KCNH8: variants seen among roughly 807,000 people sequenced by gnomAD.
KCNH8 encodes voltage-gated delayed rectifier potassium channel KCNH8.
A neutral mutation model predicts 103.6 loss-of-function variants in KCNH8; 70 were observed. That is an observed-to-expected ratio of 0.68 (90% CI 0.56 to 0.82). KCNH8 has a LOEUF of 0.82. Ranked by LOEUF, KCNH8 falls within the 40% of genes least tolerant of loss-of-function variation. The pLI is 0.00. For synonymous variants in KCNH8, 498 were observed against 489.4 expected (o/e 1.02, Z -0.23); for missense variants, 1,217 against 1,329.9 (o/e 0.92, Z 1.32).
chr3:19,217,352 A>T (rs1387660056), intron 1 of KCNH8, among the ~76,000 whole-genome samples: 1 of 152,230 alleles, frequency 6.6e-6, no homozygotes, highest in Non-Finnish European at 1.5e-5. Context: ...ATGAGTAGTT[A>T]TGATTAGCAT....
At chr3:19,475,094 T>C (rs2067944024) in intron 11 of KCNH8, among the ~76,000 whole-genome samples, 1 of 152,174 alleles carries the variant, frequency 6.6e-6, no homozygotes, top group Non-Finnish European at 1.5e-5. Context: ...AAGCACAGTT[T>C]GATCCAAAAG....
chr3:19,425,918 A>C (rs2067022059), intron 7 of KCNH8, among the ~76,000 whole-genome samples: 1 of 152,152 alleles, frequency 6.6e-6, no homozygotes, highest in Non-Finnish European at 1.5e-5. Context: ...TTAAACATTG[A>C]AAATTGCTGT....
intron 1 of KCNH8, among the ~76,000 whole-genome samples, chr3:19,170,628 A>G (rs944440145): frequency 1.9e-4 from 27 of 142,762 alleles, no homozygotes; most frequent in African/African-American, 6.3e-4. Context: ...ACACATATAT[A>G]TATACACACA....
intron 1 of KCNH8, among the ~76,000 whole-genome samples, chr3:19,196,677 C>T (rs1440891482): frequency 6.6e-6 from 1 of 152,076 alleles, no homozygotes. Context: ...CCTTTCTCCG[C>T]CGTGGAAGAA....
intron 5 of KCNH8, among the ~76,000 whole-genome samples, chr3:19,358,952 A>G (rs189818884): frequency 2.0e-5 from 3 of 151,960 alleles, no homozygotes; most frequent in Non-Finnish European, 4.4e-5. Context: ...TTACTAATCC[A>G]CAAGGAAAAG....
chr3:19,207,550 C>A (rs563435106), intron 1 of KCNH8, among the ~76,000 whole-genome samples: 1 of 152,012 alleles, frequency 6.6e-6, no homozygotes, highest in African/African-American at 2.4e-5. Context: ...AGAAAGTGGA[C>A]ATAATTAATG....
intron 1 of KCNH8, among the ~76,000 whole-genome samples, chr3:19,184,969 T>C (rs762346236): frequency 6.6e-6 from 1 of 151,956 alleles, no homozygotes; most frequent in Non-Finnish European, 1.5e-5. Flanking sequence ...TTATTTTATA[T>C]TGGCAAATAG....
intron 8 of KCNH8, among the ~76,000 whole-genome samples, chr3:19,444,258 C>T (rs567408915): frequency 4.6e-5 from 7 of 151,982 alleles, no homozygotes; most frequent in East Asian, 1.9e-4. Context: ...ATTTGTGATA[C>T]GGATGCTACT....
At chr3:19,409,040 A>G (rs2066735983) in intron 7 of KCNH8, among the ~76,000 whole-genome samples, 1 of 152,164 alleles carries the variant, frequency 6.6e-6, no homozygotes, top group Non-Finnish European at 1.5e-5. Flanking sequence ...ACACTGTACA[A>G]AACAAATATC....
intron 7 of KCNH8, among the ~76,000 whole-genome samples, chr3:19,415,594 G>T (rs1449376994): frequency 1.3e-5 from 2 of 151,946 alleles, no homozygotes; most frequent in African/African-American, 4.8e-5. Flanking sequence ...AATCAATTAT[G>T]AGTTCCCTTG....
intron 7 of KCNH8, among the ~76,000 whole-genome samples, chr3:19,431,866 T>G (rs561242324): frequency 6.6e-6 from 1 of 152,300 alleles, no homozygotes; most frequent in Non-Finnish European, 1.5e-5. Flanking sequence ...TAATTTCTGA[T>G]TATGTTTATT....
chr3:19,434,731 C>G (rs935201919), intron 7 of KCNH8, among the ~76,000 whole-genome samples: 1 of 152,114 alleles, frequency 6.6e-6, no homozygotes, highest in Non-Finnish European at 1.5e-5. Context: ...TTGCATTTGA[C>G]ACTTCTTAAT....
At chr3:19,475,998 C>T (rs1416185361) in intron 11 of KCNH8, among the ~76,000 whole-genome samples, 2 of 152,144 alleles carry the variant, frequency 1.3e-5, no homozygotes, top group Non-Finnish European at 2.9e-5. Context: ...ACGTCTACTA[C>T]CTGTGAGAAT....
At chr3:19,288,598 T>C (rs1374593117) in intron 3 of KCNH8, among the ~76,000 whole-genome samples, 1 of 152,202 alleles carries the variant, frequency 6.6e-6, no homozygotes, top group Non-Finnish European at 1.5e-5. Context: ...CCATGGTGTA[T>C]ATGTGCCACA....
intron 2 of KCNH8, among the ~76,000 whole-genome samples, chr3:19,274,660 C>T (rs2064637185): frequency 6.6e-6 from 1 of 151,982 alleles, no homozygotes; most frequent in African/African-American, 2.4e-5. Context: ...TTTCCAGGCT[C>T]CTCTTGTTCC....
At chr3:19,277,370 G>A (rs985892888) in intron 2 of KCNH8, among the ~76,000 whole-genome samples, 6 of 152,026 alleles carry the variant, frequency 3.9e-5, no homozygotes, top group South Asian at 2.1e-4. Context: ...TGAGACCAGC[G>A]TGGGAAACAT....
chr3:19,266,273 C>G (rs2064509342), intron 2 of KCNH8, among the ~76,000 whole-genome samples: 1 of 152,060 alleles, frequency 6.6e-6, no homozygotes, highest in South Asian at 2.1e-4. Flanking sequence ...CTCATCATTC[C>G]CATGTCAGCA....
chr3:19,399,751 C>T lies in KCNH8; in HGVS notation c.1177+4440C>T, dbSNP rs527357846. On this transcript the variant is annotated intron_variant, in intron 7 of 15. Coordinates refer to ENST00000328405, the MANE Select transcript of KCNH8 (RefSeq NM_144633.3). The stretch of plus-strand genomic sequence containing the variant: ...TCCAGCCACCTGTTCAAACTTATAT[C>T]GATGAGCAATGTAGAACTGAAATAG... 2.6e-5 allele frequency among the ~76,000 whole-genome samples: 4 copies of T among 151,942 alleles called. No homozygotes were observed. In the South Asian group the frequency reaches 6.2e-4, roughly 24 times the overall value.
chr3:19,381,896 A>C (rs1484329531), intron 5 of KCNH8, among the ~76,000 whole-genome samples: 1 of 152,150 alleles, frequency 6.6e-6, no homozygotes, highest in African/African-American at 2.4e-5. Context: ...TACATACCAT[A>C]CTGATTTAAA....
Sources: allele counts gnomAD v4.1 joint callset (sites outside exome capture counted in the v4.1 genomes callset), GRCh38; gene constraint gnomAD v4.1.1; transcripts MANE v1.5; gene names NCBI Gene and HGNC (gene_info 2026-07-23, HGNC 2026-07-21).